Variants in CPEB3 observed in about 807,000 individuals in gnomAD.
The protein encoded by CPEB3 is cytoplasmic polyadenylation element-binding protein 3.
A neutral mutation model predicts 67.2 loss-of-function variants in CPEB3; 20 were observed. The observed-to-expected ratio is 0.30, with a 90% confidence interval of 0.21 to 0.43. The LOEUF is 0.43. Among genes scored for constraint, CPEB3 ranks in the 20% least tolerant of loss-of-function variants. The pLI, the probability that CPEB3 is intolerant of heterozygous loss-of-function variation, is 1.00. For synonymous variants in CPEB3, 376 were observed against 393.1 expected (o/e 0.96, Z 0.51); for missense variants, 746 against 968.6 (o/e 0.77, Z 3.05).
intron 1 of CPEB3, among the ~76,000 whole-genome samples, chr10:92,250,858 A>AGTTTTTTT (rs1454105127): frequency 9.6e-6 from 1 of 104,120 alleles, no homozygotes; most frequent in African/African-American, 3.7e-5. Flanking sequence ...CACACAGTTA[A>AGTTTTTTT]TTTTTTTTTT....
rs186392504 is a variant in CPEB3, at chr10:92,278,141, C to A, written c.-12+12785G>T. On this transcript the variant is annotated intron_variant, in intron 1 of 9. Transcript: ENST00000265997. Reference sequence around the variant, plus strand: ...AGGAGGTTGCAGTGAGCCGAGATTGCGCCACTGCACTCCAGCCTGGGCGAC... The same window carrying A: ...AGGAGGTTGCAGTGAGCCGAGATTGAGCCACTGCACTCCAGCCTGGGCGAC... Among the ~76,000 whole-genome samples, 37 of 151,508 alleles carry A rather than the reference C, an allele frequency of 2.4e-4. No individual in the cohort carries two copies. In the East Asian group the frequency reaches 5.4e-3, roughly 22 times the overall value.
chr10:92,147,115 C>G (rs1231414546), intron 4 of CPEB3, among the ~76,000 whole-genome samples: 1 of 152,094 alleles, frequency 6.6e-6, no homozygotes, highest in Non-Finnish European at 1.5e-5. Flanking sequence ...GTACGTTATG[C>G]TTTTCCACCT....
chr10:92,153,082 T>C (rs1847038240), intron 4 of CPEB3, among the ~76,000 whole-genome samples: 1 of 152,240 alleles, frequency 6.6e-6, no homozygotes, highest in Admixed American at 6.5e-5. Context: ...TTTCAGATAT[T>C]ACAACCATGA....
intron 4 of CPEB3, among the ~76,000 whole-genome samples, chr10:92,172,068 G>A (rs1848027962): frequency 6.6e-6 from 1 of 152,134 alleles, no homozygotes; most frequent in South Asian, 2.1e-4. Context: ...GGCCAAGGCA[G>A]GAGGATCCTA....
intron 1 of CPEB3, among the ~76,000 whole-genome samples, chr10:92,289,308 C>T (rs552443488): frequency 5.3e-4 from 81 of 151,994 alleles, no homozygotes; most frequent in African/African-American, 1.8e-3. Context: ...GAGGCCGAGA[C>T]GGGCTGATCG....
chr10:92,114,678 A>T (rs758933023), intron 6 of CPEB3, among the ~76,000 whole-genome samples: 3 of 152,204 alleles, frequency 2.0e-5, no homozygotes, highest in Non-Finnish European at 2.9e-5. Flanking sequence ...CTTTATATTT[A>T]AGGAAATTAC....
intron 1 of CPEB3, among the ~76,000 whole-genome samples, chr10:92,287,974 T>C (rs1389572080): frequency 6.6e-6 from 1 of 152,218 alleles, no homozygotes; most frequent in Non-Finnish European, 1.5e-5. Flanking sequence ...AACAGAATCA[T>C]ACAATATGTG....
At chr10:92,208,371 T>C (rs1327471226) in intron 2 of CPEB3, among the ~76,000 whole-genome samples, 1 of 152,170 alleles carries the variant, frequency 6.6e-6, no homozygotes, top group Non-Finnish European at 1.5e-5. Context: ...CCAGATGCTG[T>C]CCTGGAGAAA....
At chr10:92,191,410 T>TA (rs199904338) in intron 3 of CPEB3, among the ~76,000 whole-genome samples, 30 of 149,136 alleles carry the variant, frequency 2.0e-4, no homozygotes, top group Admixed American at 6.7e-4. Context: ...AAATAAAAAA[T>TA]AAAAAAAAAA....
At chr10:92,197,141 C>CA (rs1435655621) in intron 2 of CPEB3, among the ~76,000 whole-genome samples, 2 of 152,140 alleles carry the variant, frequency 1.3e-5, no homozygotes, top group African/African-American at 4.8e-5. Flanking sequence ...ACTTAATGCT[C>CA]AAGAGATGAA....
intron 1 of CPEB3, among the ~76,000 whole-genome samples, chr10:92,280,687 C>A (rs7914436): frequency 0.68 from 91,933 of 136,136 alleles, 32,654 homozygotes; most frequent in African/African-American, 0.9. Flanking sequence ...CAAACAAAAA[C>A]ACAAATATAA....
chr10:92,215,692 C>T (rs999167433), intron 2 of CPEB3, among the ~76,000 whole-genome samples: 9 of 150,080 alleles, frequency 6.0e-5, no homozygotes, highest in East Asian at 2.0e-4. Flanking sequence ...CTGTCTGCCT[C>T]GGTCTCCCAA....
At chr10:92,139,593 T>C (rs1846294514) in intron 6 of CPEB3, among the ~76,000 whole-genome samples, 1 of 151,970 alleles carries the variant, frequency 6.6e-6, no homozygotes, top group African/African-American at 2.4e-5. Context: ...AAAACATAAT[T>C]AGATGGAATG....
At chr10:92,281,519 G>A (rs887641970) in intron 1 of CPEB3, among the ~76,000 whole-genome samples, 5 of 151,762 alleles carry the variant, frequency 3.3e-5, no homozygotes, top group African/African-American at 4.8e-5. Context: ...GGTATCCTTC[G>A]CAGCACAAAT....
chr10:92,147,110 T>C (rs1590238340), intron 4 of CPEB3, among the ~76,000 whole-genome samples: 1 of 152,116 alleles, frequency 6.6e-6, no homozygotes, highest in East Asian at 1.9e-4. Context: ...AATGCGTACG[T>C]TATGCTTTTC....
chr10:92,127,856 AT>A (rs1444055723), intron 6 of CPEB3, among the ~76,000 whole-genome samples: 1 of 140,214 alleles, frequency 7.1e-6, no homozygotes, highest in African/African-American at 3.3e-5. Flanking sequence ...AATTCAACAG[AT>A]GAGACCTAAG....
chr10:92,167,475 T>G (rs1590286676), intron 4 of CPEB3, among the ~76,000 whole-genome samples: 1 of 152,180 alleles, frequency 6.6e-6, no homozygotes, highest in South Asian at 2.1e-4. Context: ...CAATGTTGTG[T>G]CTCAGAAAAT....
At chr10:92,091,785 T>C in intron 8 of CPEB3, 45 bp downstream of exon 8, 1 of 1,196,146 alleles carries the variant, frequency 8.4e-7, no homozygotes. Context: ...TTGGGGATTT[T>C]GTTGTTGTTG....
intron 3 of CPEB3, among the ~76,000 whole-genome samples, chr10:92,188,320 T>TAAAAAAAAA (rs756970118): frequency 4.9e-4 from 18 of 36,974 alleles, no homozygotes; most frequent in African/African-American, 1.2e-3. Flanking sequence ...TAAGACATAG[T>TAAAAAAAAA]AAAAAAAAAA....
Sources: gnomAD v4.1 joint callset for allele counts (sites outside exome capture counted in the v4.1 genomes callset) on GRCh38, gnomAD v4.1.1 for gene constraint, MANE v1.5 for transcripts, NCBI Gene and HGNC (gene_info 2026-07-23, HGNC 2026-07-21) for gene names.